ATP1A2: variants seen among roughly 807,000 people sequenced by gnomAD.
ATP1A2 encodes the protein ATPase Na+/K+ transporting subunit alpha 2.
Under a neutral mutation model 113.1 loss-of-function variants are expected in ATP1A2, and 56 were observed. That is an observed-to-expected ratio of 0.49 (90% CI 0.40 to 0.62). The LOEUF (loss-of-function observed/expected upper bound fraction) is 0.62, where lower values mean the gene tolerates loss of function less well. Among genes scored for constraint, ATP1A2 ranks in the 20% least tolerant of loss-of-function variants. The pLI is 0.00. For synonymous variants in ATP1A2, 490 were observed against 526.8 expected (o/e 0.93, Z 0.96); for missense variants, 712 against 1,357.8 (o/e 0.52, Z 7.47).
At position 160,135,834 on chromosome 1, in the gene ATP1A2, C is replaced by A; in HGVS notation, c.2285-5C>A. ...CTCCCTGATGCCCTCAGAATCTCCC[C>A]ACAGGCCGCCTGATCTTTGACAACT... is the stretch of plus-strand genomic sequence containing the variant. On this transcript the variant is annotated splice_polypyrimidine_tract_variant and splice_region_variant and intron_variant, in intron 16 of 22. Transcript: ENST00000361216. The surrounding 1 kb of genome is among the most constrained non-coding windows in gnomAD (Gnocchi z 6.3). 6.2e-7 allele frequency: 1 copy of A among 1,614,188 alleles called. No homozygotes were observed. The highest frequency in any genetic ancestry group is 8.5e-7 in the Non-Finnish European group (1 of 1,180,022).
chr1:160,132,808 G>A (rs1387304351), intron 13 of ATP1A2, among the ~76,000 whole-genome samples: 2 of 152,118 alleles, frequency 1.3e-5, no homozygotes, highest in Non-Finnish European at 2.9e-5. Context: ...TAGCACAAGG[G>A]TGCAAACTAA....
rs1651910076 is a variant in ATP1A2 at position 160,135,532 on chromosome 1, C to T, written c.2214C>T (p.Val738=). 2 of 1,614,100 alleles carry T rather than the reference C, an allele frequency of 1.2e-6. No individual in the cohort carries two copies. The highest frequency in any genetic ancestry group is 1.6e-4 in the Middle Eastern group (1 of 6,082). The stretch of plus-strand genomic sequence containing the variant: ...CCATGGGCATCTCTGGCTCTGACGT[C>T]TCTAAGCAGGCAGCCGACATGATCC... ...GIAMGISGSD[V]SKQAADMILL... Residue 738 remains valine (V), a synonymous_variant, in exon 16 of 23, where the codon GTC becomes GTT. Coordinates refer to ENST00000361216, the MANE Select transcript of ATP1A2 (RefSeq NM_000702.4). This position sits in a 1 kb window ranked among gnomAD's most constrained non-coding sequence, Gnocchi z 6.3.
At chr1:160,128,588 G>C in intron 8 of ATP1A2, 64 bp from the exon 9 acceptor site, 1 of 1,611,682 alleles carries the variant, frequency 6.2e-7, no homozygotes, top group East Asian at 2.2e-5. Flanking sequence ...CACGGTCTAG[G>C]GTAAGGTTAT....
At chr1:160,123,083 C>T (rs1056161876) in intron 3 of ATP1A2, 130 bp from the exon 4 acceptor site, 1 of 1,052,256 alleles carries the variant, frequency 9.5e-7, no homozygotes, top group Non-Finnish European at 1.4e-6. Flanking sequence ...GATGGTCCCC[C>T]ACCCCTTCCA....
In ATP1A2 at chr1:160,128,685, C is replaced by T. The variant is rs751210232; in HGVS notation, c.1051C>T (p.Arg351Trp). ...CLTLTAKRMA[R>W]KNCLVKNLEA... The stretch of plus-strand genomic sequence containing the variant: ...GACCCTGACAGCCAAGCGCATGGCA[C>T]GGAAGAACTGCCTGGTGAAGAACCT... The change falls in exon 9 of 23, where the codon CGG becomes TGG. Residue 351 changes from arginine to tryptophan, a missense_variant. By Grantham distance (101) the Arg-to-Trp change is moderately radical (BLOSUM62 -3). Transcript: ENST00000361216. The T allele has an allele frequency of 7.4e-6, 12 of 1,614,026 alleles. No homozygotes were observed. In the East Asian group the frequency reaches 8.9e-5, roughly 12 times the overall value.
rs1375747063 is a variant in ATP1A2, at chr1:160,141,416, T to C, written c.*94T>C. Reference sequence around the variant, plus strand: ...AGAGGGATGGAAATAACGGGTGGCATTGGGTGGCAACATTTGGGGAGAGAT... The same window carrying C: ...AGAGGGATGGAAATAACGGGTGGCACTGGGTGGCAACATTTGGGGAGAGAT... On this transcript the variant is annotated 3_prime_UTR_variant, in exon 23 of 23. Transcript: ENST00000361216. 9.1e-6 allele frequency: 14 copies of C among 1,532,474 alleles called. No homozygotes were observed. The Admixed American group carries it at 1.2e-4, about 13-fold the overall frequency. The allele number at this position is 1,532,474 out of a possible 1,614,324, so 94.9% of individuals were successfully genotyped here. A position where few individuals can be genotyped will look rare whatever the true frequency, so the allele number is the denominator to read the frequency against.
At chr1:160,126,961 AC>A (rs1651606862) in intron 7 of ATP1A2, among the ~76,000 whole-genome samples, 1 of 152,200 alleles carries the variant, frequency 6.6e-6, no homozygotes, top group African/African-American at 2.4e-5. Flanking sequence ...ATATTAAAGC[AC>A]AATCTCATCT....
intron 18 of ATP1A2, 76 bp from the exon 19 acceptor site, chr1:160,136,494 T>A (rs2101996038): frequency 6.2e-7 from 1 of 1,613,172 alleles, no homozygotes; most frequent in East Asian, 2.2e-5. Flanking sequence ...GGGACCTCCA[T>A]CTCTGGCCCT....
At position 160,135,591 on chromosome 1, in the gene ATP1A2, G is replaced by C. The variant is rs147183887; in HGVS notation, c.2273G>C (p.Gly758Ala). The change falls in exon 16 of 23, where the codon GGG (glycine) becomes GCG (alanine). Residue 758 changes from glycine to alanine, a missense_variant. Physicochemically the swap from Gly to Ala is moderately conservative, Grantham distance 60. Around this residue, in one of 6 missense-constraint regions of ATP1A2, gnomAD observed 188 missense variants for 438.9 expected, o/e 0.43. Coordinates refer to ENST00000361216, the MANE Select transcript of ATP1A2 (RefSeq NM_000702.4). This position sits in a 1 kb window ranked among gnomAD's most constrained non-coding sequence, Gnocchi z 6.3. ...LDDNFASIVT[G>A]VEEGRLIFDN... Reference sequence around the variant, plus strand: ...GACAACTTTGCCTCCATCGTCACGGGGGTGGAGGAGGGTGAGGAGGCTGCA... The same window carrying C: ...GACAACTTTGCCTCCATCGTCACGGCGGTGGAGGAGGGTGAGGAGGCTGCA... The C allele has an allele frequency of 1.8e-4, 297 of 1,613,906 alleles. No individual in the cohort carries two copies. The highest frequency in any genetic ancestry group is 1.6e-4 in the Non-Finnish European group (192 of 1,180,012).
In ATP1A2 at chr1:160,127,925, A is replaced by G. The variant is rs564401369; in HGVS notation, c.1017+105A>G. On this transcript the variant is annotated intron_variant, in intron 8 of 22. Coordinates refer to ENST00000361216, the MANE Select transcript of ATP1A2 (RefSeq NM_000702.4). The stretch of plus-strand genomic sequence containing the variant: ...TAGCTTCTCACTACTTTTTCCCCCT[A>G]GAGTCACTTATTGGATGCGATACTC... 3.4e-6 allele frequency: 5 copies of G among 1,453,138 alleles called. No individual in the cohort carries two copies. The Admixed American group carries it at 1.2e-4, about 34-fold the overall frequency. 90.0% of individuals were successfully genotyped at this position (1,453,138 alleles called of 1,614,324 possible).
Position 160,129,293 on chromosome 1 carries a change from TCA to T in ATP1A2, c.1355_1356del (p.Ser452CysfsTer7). On this transcript the variant is annotated frameshift_variant, in exon 11 of 23. Coordinates refer to ENST00000361216, the MANE Select transcript of ATP1A2 (RefSeq NM_000702.4). LOFTEE classifies it high-confidence loss of function. Reference sequence around the variant, plus strand: ...GGACACAGCTGGTGATGCCTCTGAGTCAGCTCTGCTCAAGTGCATTGAGCTCT... The same window carrying T: ...GGACACAGCTGGTGATGCCTCTGAGTGCTCTGCTCAAGTGCATTGAGCTCT... ...KRDTAGDASE[S>X]ALLKCIELSC... is the part of the protein sequence containing the mutation. The T allele has an allele frequency of 6.2e-7, 1 of 1,614,170 alleles. No homozygotes were observed. Among genetic ancestry groups the T allele is most frequent in the Non-Finnish European group, 8.5e-7 (1 of 1,180,034 alleles).
In ATP1A2 at chr1:160,125,240, C is replaced by T; in HGVS notation, c.735C>T (p.Thr245=). 1 of 1,613,808 alleles carries T rather than the reference C, an allele frequency of 6.2e-7. No homozygotes were observed. The highest frequency in any genetic ancestry group is 1.1e-5 in the South Asian group (1 of 91,070). ...CCCGCAATATCTGTTTCTTCTCCAC[C>T]AACTGTGTTGAAGGTGAGAAGCCAG... is the stretch of plus-strand genomic sequence containing the variant. The part of the protein sequence containing the change: ...LETRNICFFS[T]NCVEGTARGI... Residue 245 remains threonine (T), a synonymous_variant, in exon 7 of 23, where the codon ACC becomes ACT. Coordinates refer to ENST00000361216, the MANE Select transcript of ATP1A2 (RefSeq NM_000702.4).
chr1:160,116,344 C>T (rs951454411), intron 1 of ATP1A2, among the ~76,000 whole-genome samples: 19 of 152,084 alleles, frequency 1.2e-4, no homozygotes, highest in African/African-American at 4.6e-4. Flanking sequence ...GTAGAGCATC[C>T]GGCTCCCAGA....
rs755403357 is a variant in ATP1A2, at chr1:160,135,529, C to T, written c.2211C>T (p.Asp737=). 1.6e-5 allele frequency: 26 copies of T among 1,614,060 alleles called. No individual in the cohort carries two copies. The highest frequency in any genetic ancestry group is 1.9e-5 in the Non-Finnish European group (22 of 1,180,050). The part of the protein sequence containing the change: ...IGIAMGISGS[D]VSKQAADMIL... ...TTGCCATGGGCATCTCTGGCTCTGA[C>T]GTCTCTAAGCAGGCAGCCGACATGA... Residue 737 remains aspartate (D), a synonymous_variant, in exon 16 of 23, where the codon GAC becomes GAT. Coordinates refer to ENST00000361216, the MANE Select transcript of ATP1A2 (RefSeq NM_000702.4). The surrounding 1 kb of genome is among the most constrained non-coding windows in gnomAD (Gnocchi z 6.3).
chr1:160,117,794 T>G (rs1651236135), intron 1 of ATP1A2, among the ~76,000 whole-genome samples: 1 of 152,180 alleles, frequency 6.6e-6, no homozygotes, highest in Non-Finnish European at 1.5e-5. Context: ...GAGCCCAGCC[T>G]GCTCCAGCTA....
In ATP1A2 at chr1:160,124,365, G is replaced by C. The variant is rs1393763535; in HGVS notation, c.565G>C (p.Val189Leu). The change falls in exon 6 of 23, where the codon GTG (valine) becomes CTG (leucine). Residue 189 changes from valine (V) to leucine (L), a missense_variant. Around this residue, in one of 6 missense-constraint regions of ATP1A2, gnomAD observed 99 missense variants for 180.4 expected, o/e 0.55. Coordinates refer to ENST00000361216, the MANE Select transcript of ATP1A2 (RefSeq NM_000702.4). ...AGAGGAAGTGGTGGTGGGAGACCTGGTGGAGGTGAAGGGTGGAGACCGCGT... is the reference window on the plus strand; with the variant it reads ...AGAGGAAGTGGTGGTGGGAGACCTGCTGGAGGTGAAGGGTGGAGACCGCGT... Reference protein sequence around the residue: ...NAEEVVVGDLVEVKGGDRVPA... With the variant: ...NAEEVVVGDLLEVKGGDRVPA... The C allele has an allele frequency of 6.2e-7, 1 of 1,612,866 alleles. No individual in the cohort carries two copies. The highest frequency in any genetic ancestry group is 8.5e-7 in the Non-Finnish European group (1 of 1,179,656).
At chr1:160,122,002 G>A (rs1651414444) in intron 3 of ATP1A2, among the ~76,000 whole-genome samples, 2 of 151,984 alleles carry the variant, frequency 1.3e-5, no homozygotes, top group Admixed American at 6.6e-5. Flanking sequence ...CACAGTGATG[G>A]GCACCTGTAA....
At chr1:160,136,413 T>C in intron 18 of ATP1A2, 43 bp downstream of exon 18, 1 of 1,613,270 alleles carries the variant, frequency 6.2e-7, no homozygotes, top group Non-Finnish European at 8.5e-7. Context: ...CCAACAGGGT[T>C]CTTTTCCCAG....
At chr1:160,137,325 C>A (rs538981628) in intron 20 of ATP1A2, 1 of 447,808 alleles carries the variant, frequency 2.2e-6, no homozygotes, top group African/African-American at 2.0e-5. Context: ...CTTTGCCCAG[C>A]CCTAAATCCA....
Sources: gnomAD v4.1 joint callset for allele counts (sites outside exome capture counted in the v4.1 genomes callset) on GRCh38, gnomAD v4.1.1 for gene constraint, gnomAD v4.1.1 regional missense constraint, Gnocchi (gnomAD v3.1) non-coding constraint, MANE v1.5 for transcripts, NCBI Gene and HGNC (gene_info 2026-07-23, HGNC 2026-07-21) for gene names.